IMPG2: variants seen among roughly 807,000 people sequenced by gnomAD.
IMPG2 encodes the protein interphotoreceptor matrix proteoglycan 2.
IMPG2 carries 91 observed loss-of-function variants against 129.2 expected under a neutral mutation model. That is an observed-to-expected ratio of 0.70 (90% confidence interval 0.59 to 0.84). The LOEUF (loss-of-function observed/expected upper bound fraction) is 0.84. IMPG2 is among the 40% of genes least tolerant of loss of function. The pLI is 0.00. For missense variants in IMPG2, 1,430 were observed against 1,461.7 expected (o/e 0.98, Z 0.35); for synonymous variants, 510 against 517.7 (o/e 0.99, Z 0.20).
Position 101,245,959 on chromosome 3 carries a change from G to T in IMPG2, c.1386C>A (p.His462Gln). 15 of 1,614,154 alleles carry T rather than the reference G, an allele frequency of 9.3e-6. No individual in the cohort carries two copies. The highest frequency in any genetic ancestry group is 1.3e-5 in the Non-Finnish European group (15 of 1,180,030). ...CCATCTTCGAGGGAAAGGCTAATTT[G>T]TGTGTAGACACTAAATCACCCAAAG... The part of the protein sequence containing the change: ...ESPLGDLVST[H>Q]KLAFPSKMGL... The change falls in exon 12 of 19, where the codon CAC becomes CAA. Residue 462 changes from histidine to glutamine, a missense_variant. His to Gln is a conservative substitution (Grantham distance 24). Transcript: ENST00000193391.
At chr3:101,282,252 T>C (rs1466809514) in intron 4 of IMPG2, among the ~76,000 whole-genome samples, 1 of 152,108 alleles carries the variant, frequency 6.6e-6, no homozygotes, top group East Asian at 1.9e-4. Flanking sequence ...GATGGTAATA[T>C]TCAAGCGGAG....
In IMPG2 at chr3:101,319,719, C is replaced by T. The variant is rs2058802043; in HGVS notation, c.199G>A (p.Asp67Asn). ...SLATKKKQPL[D>N]RRETERQWLI... ...CACTGTCTTTCAGTTTCTCTGCGGT[C>T]CAGAGGCTGTTTCTTTTTGGTAGCT... is the stretch of plus-strand genomic sequence containing the variant. Residue 67 changes from aspartate (D) to asparagine (N), a missense_variant, in exon 2 of 19, where the codon GAC (aspartate) becomes AAC (asparagine). Transcript: ENST00000193391. The T allele has an allele frequency of 6.2e-7, 1 of 1,613,552 alleles. No homozygotes were observed. The highest frequency in any genetic ancestry group is 8.5e-7 in the Non-Finnish European group (1 of 1,179,832).
chr3:101,261,754 T>C (rs1348413154), intron 9 of IMPG2, among the ~76,000 whole-genome samples: 1 of 152,032 alleles, frequency 6.6e-6, no homozygotes, highest in East Asian at 1.9e-4. Context: ...GGCATAGTAA[T>C]GGGGTACAAA....
At position 101,304,325 on chromosome 3, in the gene IMPG2, G is replaced by A. The variant is rs201277460; in HGVS notation, c.335-13C>T. 9.1e-4 allele frequency: 1,472 copies of A among 1,613,234 alleles called. 6 individuals are homozygous for A. The highest frequency in any genetic ancestry group is 4.1e-3 in the Middle Eastern group (25 of 6,058). On this transcript the variant is annotated splice_polypyrimidine_tract_variant and intron_variant, in intron 2 of 18. Transcript: ENST00000193391. ...GCTTCCTGACACACTAGAAAATAGA[G>A]AGGTGTTTTTTTACAAAAAGCTAAC...
At chr3:101,246,697 T>G (rs1706481914) in intron 11 of IMPG2, among the ~76,000 whole-genome samples, 1 of 152,232 alleles carries the variant, frequency 6.6e-6, no homozygotes, top group Admixed American at 6.5e-5. Context: ...GATGTTTTAC[T>G]AATGTACTAC....
Position 101,229,439 on chromosome 3 carries a change from C to T in IMPG2, c.3574G>A (p.Gly1192Ser). ...FYSSASGDVI[G>S]GLSREEIRQM... ...CTGATTTCTTCTCTGCTCAGCCCAC[C>T]AATCACGTCTCCGCTAGCAGAGCTG... Residue 1192 changes from glycine to serine, a missense_variant, in exon 17 of 19, where the codon GGT becomes AGT. Coordinates refer to ENST00000193391, the MANE Select transcript of IMPG2 (RefSeq NM_016247.4). 1 of 1,612,864 alleles carries T rather than the reference C, an allele frequency of 6.2e-7. No individual in the cohort carries two copies. Among genetic ancestry groups the T allele is most frequent in the Non-Finnish European group, 8.5e-7 (1 of 1,180,010 alleles).
intron 9 of IMPG2, 107 bp downstream of exon 9, chr3:101,267,404 T>C (rs1290123742): frequency 4.3e-6 from 4 of 940,730 alleles, no homozygotes; most frequent in South Asian, 2.8e-5. Context: ...ACAGTGATAT[T>C]GGAAGTGATA....
intron 9 of IMPG2, among the ~76,000 whole-genome samples, chr3:101,259,072 CTACAT>C (rs754840047): frequency 6.6e-6 from 1 of 152,128 alleles, no homozygotes; most frequent in Non-Finnish European, 1.5e-5. Flanking sequence ...ACCCCAGCCC[CTACAT>C]TCTGAACTAG....
Position 101,257,540 on chromosome 3 carries a change from T to C in IMPG2, c.1142A>G (p.Gln381Arg). ...SSLNPDPDSL[Q>R]LINVRGVLRH... Reference sequence around the variant, plus strand: ...GATATCAAACTCACCATTGATAAGCTGCAGGGAATCAGGATCTGGATTCAA... The same window carrying C: ...GATATCAAACTCACCATTGATAAGCCGCAGGGAATCAGGATCTGGATTCAA... The change falls in exon 10 of 19, where the codon CAG (glutamine) becomes CGG (arginine). Residue 381 changes from glutamine to arginine, a missense_variant. Gln to Arg is a conservative substitution (Grantham distance 43). Coordinates refer to ENST00000193391, the MANE Select transcript of IMPG2 (RefSeq NM_016247.4). 1 of 1,613,350 alleles carries C rather than the reference T, an allele frequency of 6.2e-7. No individual in the cohort carries two copies. Among genetic ancestry groups the C allele is most frequent in the Non-Finnish European group, 8.5e-7 (1 of 1,179,468 alleles).
At chr3:101,271,121 A>C (rs72932482) in intron 7 of IMPG2, among the ~76,000 whole-genome samples, 4,985 of 149,742 alleles carry the variant, frequency 0.033, 289 homozygotes, top group African/African-American at 0.12. Context: ...GAAATAAAAA[A>C]CTGTTATAAT....
At chr3:101,258,353 T>C (rs1348051446) in intron 9 of IMPG2, among the ~76,000 whole-genome samples, 1 of 152,162 alleles carries the variant, frequency 6.6e-6, no homozygotes, top group East Asian at 1.9e-4. Context: ...TTTTGTTTGA[T>C]AACCTAGACA....
Position 101,246,059 on chromosome 3 carries a change from G to T in IMPG2, c.1286C>A (p.Thr429Asn). Residue 429 changes from threonine to asparagine, a missense_variant, in exon 12 of 19, where the codon ACC becomes AAC. Transcript: ENST00000193391. ...AAWPSADESI[T>N]SSIPPLDFSS... The stretch of plus-strand genomic sequence containing the variant: ...GAAATCAAGTGGTGGAATACTGCTG[G>T]TGATGGATTCATCTGCTGAGGGCCA... 6.2e-7 allele frequency: 1 copy of T among 1,614,138 alleles called. No homozygotes were observed.
chr3:101,296,686 T>C (rs1405283743), intron 3 of IMPG2, among the ~76,000 whole-genome samples: 1 of 106,402 alleles, frequency 9.4e-6, no homozygotes, highest in Non-Finnish European at 2.1e-5. Context: ...TGTGAATCCA[T>C]CTGGTCCCAG....
chr3:101,231,224 A>T, intron 15 of IMPG2, 79 bp from the exon 16 acceptor site: 1 of 1,343,042 alleles, frequency 7.4e-7, no homozygotes, highest in Non-Finnish European at 1.1e-6. Flanking sequence ...CTTCTGAGGG[A>T]CTAGAGGAAA....
intron 10 of IMPG2, 29 bp downstream of exon 10, chr3:101,257,500 A>G (rs1706623258): frequency 6.2e-7 from 1 of 1,611,976 alleles, no homozygotes; most frequent in African/African-American, 1.3e-5. Flanking sequence ...GAAACTATAC[A>G]AGGACTTCAT....
intron 14 of IMPG2, among the ~76,000 whole-genome samples, chr3:101,237,429 C>A (rs556096474): frequency 6.6e-6 from 1 of 152,274 alleles, no homozygotes; most frequent in East Asian, 1.9e-4. Context: ...TGGGGGACAC[C>A]TCCCAGCAGG....
At chr3:101,267,607 T>C in intron 8 of IMPG2, 76 bp from the exon 9 acceptor site, 1 of 1,197,436 alleles carries the variant, frequency 8.4e-7, no homozygotes, top group South Asian at 1.2e-5. Context: ...AAAGTGCAAG[T>C]TATTCATGTA....
At chr3:101,266,489 T>C (rs980225366) in intron 9 of IMPG2, among the ~76,000 whole-genome samples, 53 of 152,266 alleles carry the variant, frequency 3.5e-4, no homozygotes, top group Middle Eastern at 3.4e-3. Context: ...CCCTGAAACA[T>C]ACTTTGAAAC....
At chr3:101,306,227 A>G (rs922695492) in intron 2 of IMPG2, among the ~76,000 whole-genome samples, 3 of 152,230 alleles carry the variant, frequency 2.0e-5, no homozygotes, top group African/African-American at 7.2e-5. Flanking sequence ...CATGAATATC[A>G]TATGTTATTA....
Sources: allele counts gnomAD v4.1 joint callset (sites outside exome capture counted in the v4.1 genomes callset), GRCh38; gene constraint gnomAD v4.1.1; transcripts MANE v1.5; gene names NCBI Gene and HGNC (gene_info 2026-07-23, HGNC 2026-07-21).